The following TASP1 variants were observed in gnomAD, a reference collection of about 807,000 sequenced individuals.
The protein encoded by TASP1 is taspase 1, also known as threonine aspartase 1.
TASP1 carries 16 observed loss-of-function variants against 56.6 expected under a neutral mutation model. The ratio of observed to expected loss-of-function variants is 0.28; its 90% CI spans 0.19 to 0.43. TASP1 has a LOEUF of 0.43. Ranked by LOEUF, TASP1 falls within the 20% of genes least tolerant of loss-of-function variation. TASP1 has a pLI of 1.00. For missense variants in TASP1, 393 were observed against 511.6 expected (o/e 0.77, Z 2.24); for synonymous variants, 179 against 184.2 (o/e 0.97, Z 0.23).
intron 11 of TASP1, among the ~76,000 whole-genome samples, chr20:13,463,506 AC>A (rs2044136266): frequency 6.6e-6 from 1 of 152,004 alleles, no homozygotes; most frequent in East Asian, 1.9e-4. Context: ...AAATAAAAAA[AC>A]AGGCAAATTA....
At chr20:13,349,527 A>G in the TASP1 span, among the ~76,000 whole-genome samples, 17 of 152,300 alleles carry the variant, frequency 1.1e-4, no homozygotes, top group Admixed American at 1.0e-3. Context: ...AAGTGTGCAG[A>G]TAATGTAAAA....
the TASP1 span, among the ~76,000 whole-genome samples, chr20:13,224,991 G>A: frequency 7.3e-5 from 11 of 150,570 alleles, no homozygotes; most frequent in Non-Finnish European, 1.2e-4. Context: ...GACTACAGGC[G>A]CCTGCCACCA....
the TASP1 span, among the ~76,000 whole-genome samples, chr20:13,110,373 A>T: frequency 6.6e-6 from 1 of 152,172 alleles, no homozygotes; most frequent in Non-Finnish European, 1.5e-5. Context: ...GAGCTGTCAG[A>T]CGTGGGTTAT....
intron 7 of TASP1, among the ~76,000 whole-genome samples, chr20:13,559,382 C>T (rs898367211): frequency 3.9e-5 from 6 of 152,046 alleles, no homozygotes; most frequent in Admixed American, 2.6e-4. Context: ...TGATGCAAGC[C>T]TCCTCCAACT....
At chr20:13,253,507 T>G in the TASP1 span, among the ~76,000 whole-genome samples, 1 of 152,196 alleles carries the variant, frequency 6.6e-6, no homozygotes, top group East Asian at 1.9e-4. Flanking sequence ...TGATAGCTCC[T>G]TACCGACTAT....
the TASP1 span, among the ~76,000 whole-genome samples, chr20:13,290,512 G>C: frequency 2.6e-5 from 4 of 152,106 alleles, no homozygotes; most frequent in Admixed American, 1.3e-4. Flanking sequence ...AGTCGGGCAT[G>C]GTGGCGGGCG....
At chr20:13,160,735 T>C in the TASP1 span, among the ~76,000 whole-genome samples, 2 of 152,226 alleles carry the variant, frequency 1.3e-5, no homozygotes, top group African/African-American at 2.4e-5. Context: ...GAGAGTCAAC[T>C]ATGTGCAAAC....
intron 10 of TASP1, among the ~76,000 whole-genome samples, chr20:13,490,996 T>G (rs1026703701): frequency 1.3e-5 from 2 of 152,198 alleles, no homozygotes; most frequent in Non-Finnish European, 2.9e-5. Context: ...TCTCATCCTA[T>G]TCTCTGTATG....
At chr20:13,548,198 A>T (rs1295344626) in intron 8 of TASP1, among the ~76,000 whole-genome samples, 1 of 152,110 alleles carries the variant, frequency 6.6e-6, no homozygotes, top group African/African-American at 2.4e-5. Context: ...GAAGTGAGTT[A>T]AGGGTTCAAG....
At chr20:13,580,066 TAAC>T (rs925987228) in intron 6 of TASP1, among the ~76,000 whole-genome samples, 7 of 152,190 alleles carry the variant, frequency 4.6e-5, no homozygotes, top group Admixed American at 4.6e-4. Flanking sequence ...TTAGGCATGC[TAAC>T]AGTACGGTGG....
chr20:13,511,903 G>C (rs2044344547), intron 10 of TASP1, among the ~76,000 whole-genome samples: 1 of 151,930 alleles, frequency 6.6e-6, no homozygotes, highest in Non-Finnish European at 1.5e-5. Flanking sequence ...ATGGTTTCCA[G>C]CTTCATCCAT....
chr20:13,345,967 G>A, the TASP1 span, among the ~76,000 whole-genome samples: 33 of 146,758 alleles, frequency 2.2e-4, no homozygotes, highest in South Asian at 6.5e-3. Context: ...CTACTTGGCC[G>A]ACATACTAGC....
chr20:13,157,962 T>C, the TASP1 span, among the ~76,000 whole-genome samples: 1 of 152,232 alleles, frequency 6.6e-6, no homozygotes, highest in African/African-American at 2.4e-5. Context: ...ATATAGTCTG[T>C]AGCCAGTTAT....
chr20:13,482,221 T>C (rs1262790580), intron 11 of TASP1, among the ~76,000 whole-genome samples: 5 of 152,268 alleles, frequency 3.3e-5, no homozygotes, highest in Non-Finnish European at 5.9e-5. Flanking sequence ...CGTGAGTTCA[T>C]TGTAGGTGTG....
intron 7 of TASP1, among the ~76,000 whole-genome samples, chr20:13,562,006 T>C (rs2046358628): frequency 6.6e-6 from 1 of 152,246 alleles, no homozygotes; most frequent in South Asian, 2.1e-4. Context: ...TCAAGTTCAC[T>C]TGGGACATTT....
At chr20:13,321,253 TAAAAAAAAAAAA>T in the TASP1 span, among the ~76,000 whole-genome samples, 1 of 57,522 alleles carries the variant, frequency 1.7e-5, no homozygotes, top group Non-Finnish European at 3.2e-5. Context: ...GTGCCCCACA[TAAAAAAAAAAAA>T]AAAAAAAAAA....
chr20:13,265,433 C>T, the TASP1 span, among the ~76,000 whole-genome samples: 18 of 152,142 alleles, frequency 1.2e-4, no homozygotes, highest in Non-Finnish European at 2.1e-4. Context: ...ATTCAGTGTA[C>T]ATCAGTCAAG....
the TASP1 span, among the ~76,000 whole-genome samples, chr20:13,264,702 A>G: frequency 6.6e-6 from 1 of 152,198 alleles, no homozygotes; most frequent in African/African-American, 2.4e-5. Context: ...CAGTGGCTGG[A>G]GGCAGTGATT....
chr20:13,474,619 A>G (rs1313468285), intron 11 of TASP1, among the ~76,000 whole-genome samples: 1 of 152,188 alleles, frequency 6.6e-6, no homozygotes, highest in East Asian at 1.9e-4. Flanking sequence ...TCTTTTTCTT[A>G]TAATGACTTC....
Sources: allele counts gnomAD v4.1 joint callset (sites outside exome capture counted in the v4.1 genomes callset), GRCh38; gene constraint gnomAD v4.1.1; transcripts MANE v1.5; gene names NCBI Gene and HGNC (gene_info 2026-07-23, HGNC 2026-07-21).